Variants in ZBTB37 observed in about 807,000 individuals in gnomAD.
ZBTB37 encodes zinc finger and BTB domain containing 37.
Under a neutral mutation model 37.7 loss-of-function variants are expected in ZBTB37, and 15 were observed. The observed-to-expected ratio is 0.40, with a 90% CI of 0.27 to 0.61. The LOEUF is 0.61. Ranked by LOEUF, ZBTB37 falls within the 20% of genes least tolerant of loss-of-function variation. ZBTB37 has a pLI of 0.44. For synonymous variants in ZBTB37, 231 were observed against 220.6 expected, an observed-to-expected ratio of 1.05 and a Z score of -0.42; for missense variants, 514 against 641.9, an observed-to-expected ratio of 0.80 and a Z score of 2.15.
exon 5 of ZBTB37, chr1:173,886,140 G>A (rs972740779): frequency 6.5e-7 from 1 of 1,544,268 alleles, no homozygotes. Flanking sequence ...CCAGGGGGAG[G>A]GGGCTGACCC....
At chr1:173,886,340 G>A in exon 5 of ZBTB37, 1 of 676,938 alleles carries the variant, frequency 1.5e-6, no homozygotes, top group African/African-American at 1.8e-5. Flanking sequence ...AAATAATCAA[G>A]CAAATCAACT....
chr1:173,882,963 T>C (rs1656420241), intron 4 of ZBTB37, among the ~76,000 whole-genome samples: 1 of 152,238 alleles, frequency 6.6e-6, no homozygotes. Flanking sequence ...CATTCAATGC[T>C]CAAAGCAACT....
exon 4 of ZBTB37, chr1:173,900,343 A>G (rs1657208475): frequency 6.6e-6 from 1 of 152,176 alleles, no homozygotes; most frequent in African/African-American, 2.4e-5. Context: ...GTAACTCCCA[A>G]ATGAGGTTCC....
chr1:173,896,141 T>C (rs1657035547), exon 4 of ZBTB37: 1 of 152,220 alleles, frequency 6.6e-6, no homozygotes, highest in Admixed American at 6.5e-5. Context: ...ACCTTGGCAT[T>C]TGTATTTGCA....
chr1:173,897,607 A>G (rs1572079556), exon 4 of ZBTB37: 1 of 152,192 alleles, frequency 6.6e-6, no homozygotes, highest in Admixed American at 6.5e-5. Flanking sequence ...TTATGTGTGT[A>G]TGTGAGAAAA....
Position 173,868,422 on chromosome 1 carries a change from G to C in ZBTB37, c.-226+17G>C, listed in dbSNP as rs998777839. The C allele has an allele frequency of 6.5e-6, 1 of 153,316 alleles. No individual in the cohort carries two copies. The highest frequency in any genetic ancestry group is 1.5e-5 in the Non-Finnish European group (1 of 68,756). The allele number at this position is 153,316 out of a possible 1,614,324, so 9.5% of individuals were successfully genotyped here. Reference sequence around the variant, plus strand: ...CCCCCGGAGGTAGGTGCTGCTCCTTGACTGGACTCGGGCCCCACACCCCAG... The same window carrying C: ...CCCCCGGAGGTAGGTGCTGCTCCTTCACTGGACTCGGGCCCCACACCCCAG... On this transcript the variant is annotated intron_variant, in intron 1 of 4. Transcript: ENST00000427304.
exon 3 of ZBTB37, chr1:173,870,798 G>A: frequency 2.5e-6 from 4 of 1,614,232 alleles, no homozygotes; most frequent in Non-Finnish European, 3.4e-6. Context: ...GTCCTCCTGA[G>A]GAGTCCACCA....
At chr1:173,874,574 A>ATC (rs1310947557) in intron 4 of ZBTB37, among the ~76,000 whole-genome samples, 1 of 152,008 alleles carries the variant, frequency 6.6e-6, no homozygotes, top group Non-Finnish European at 1.5e-5. Flanking sequence ...GGTGGTTTCG[A>ATC]TCTCCTGACC....
At chr1:173,895,788 A>G (rs1014774108) in exon 4 of ZBTB37, 3 of 152,322 alleles carry the variant, frequency 2.0e-5, no homozygotes, top group African/African-American at 7.2e-5. Flanking sequence ...TTTTGGTTAG[A>G]TGTGTCAGAT....
At chr1:173,868,994 G>C (rs1655286147) in exon 2 of ZBTB37, 1 of 152,612 alleles carries the variant, frequency 6.6e-6, no homozygotes, top group Non-Finnish European at 1.5e-5. Context: ...GGGAATTGCC[G>C]GAAAGAGCAA....
chr1:173,875,116 A>ATGTGTG (rs71111072), intron 4 of ZBTB37, among the ~76,000 whole-genome samples: 7 of 137,118 alleles, frequency 5.1e-5, no homozygotes, highest in Middle Eastern at 3.6e-3. Flanking sequence ...TCTGATTATT[A>ATGTGTG]TGTGTGTGTG....
chr1:173,871,057 A>T (rs1454922772), exon 3 of ZBTB37: 1 of 1,614,210 alleles, frequency 6.2e-7, no homozygotes, highest in South Asian at 1.1e-5. Context: ...GGTGATTGAT[A>T]CCACAGGCCA....
exon 3 of ZBTB37, chr1:173,871,114 A>C (rs1655532224): frequency 6.2e-7 from 1 of 1,611,174 alleles, no homozygotes; most frequent in Non-Finnish European, 8.5e-7. Flanking sequence ...TTCAGGAGCC[A>C]AGGTGGCTCG....
chr1:173,900,613 G>C (rs571499937), exon 4 of ZBTB37: 1 of 152,204 alleles, frequency 6.6e-6, no homozygotes, highest in African/African-American at 2.4e-5. Context: ...TTACAAGTAC[G>C]TGGTAATTTG....
chr1:173,876,527 A>T (rs2102731412), intron 4 of ZBTB37, among the ~76,000 whole-genome samples: 1 of 152,250 alleles, frequency 6.6e-6, no homozygotes, highest in South Asian at 2.1e-4. Context: ...CATATTGGTC[A>T]GGCTGGTCTC....
intron 3 of ZBTB37, among the ~76,000 whole-genome samples, chr1:173,871,811 A>G (rs1655585464): frequency 6.6e-6 from 1 of 151,884 alleles, no homozygotes. Flanking sequence ...TTTCTCTTTT[A>G]ATACATTGTA....
At chr1:173,881,839 G>A (rs975072832) in intron 4 of ZBTB37, among the ~76,000 whole-genome samples, 1 of 152,108 alleles carries the variant, frequency 6.6e-6, no homozygotes, top group Non-Finnish European at 1.5e-5. Context: ...CGGATCACAA[G>A]GTCAGGAGAT....
chr1:173,883,563 A>G (rs1455820291), intron 4 of ZBTB37, among the ~76,000 whole-genome samples: 1 of 152,234 alleles, frequency 6.6e-6, no homozygotes, highest in Non-Finnish European at 1.5e-5. Context: ...TACCTTATGG[A>G]TGAGAAGACA....
exon 4 of ZBTB37, chr1:173,892,829 A>G (rs1017406283): frequency 6.6e-6 from 1 of 152,182 alleles, no homozygotes; most frequent in East Asian, 1.9e-4. Flanking sequence ...AAACTTGTCT[A>G]TTGCCTGCGT....
Sources: gnomAD v4.1 joint callset for allele counts (sites outside exome capture counted in the v4.1 genomes callset) on GRCh38, gnomAD v4.1.1 for gene constraint, MANE v1.5 for transcripts, NCBI Gene and HGNC (gene_info 2026-07-23, HGNC 2026-07-21) for gene names.